ESCO2: variants seen among roughly 807,000 people sequenced by gnomAD.
ESCO2 encodes the protein establishment of sister chromatid cohesion N-acetyltransferase 2.
ESCO2 carries 51 observed loss-of-function variants against 61.7 expected under a neutral mutation model. That is an observed-to-expected ratio of 0.83 (90% confidence interval 0.66 to 1.04). The LOEUF is 1.04. Ranked by LOEUF, ESCO2 falls within the 50% of genes least tolerant of loss-of-function variation. ESCO2 has a pLI of 0.00. For synonymous variants in ESCO2, 230 were observed against 238.2 expected (o/e 0.97, Z 0.32); for missense variants, 692 against 686.2 (o/e 1.01, Z -0.09).
chr8:27,787,985 A>G lies in ESCO2; in HGVS notation c.1114A>G (p.Lys372Glu). 1 of 1,611,950 alleles carries G rather than the reference A, an allele frequency of 6.2e-7. No individual in the cohort carries two copies. The highest frequency in any genetic ancestry group is 1.3e-5 in the African/African-American group (1 of 75,002). ...TACCAGAGATACAAGTAAAAAAACA[A>G]AAGACCAGCTCATCATCGTGAGTAA... Reference protein sequence around the residue: ...TNTRDTSKKTKDQLIIDAGQK... With the variant: ...TNTRDTSKKTEDQLIIDAGQK... The change falls in exon 6 of 11, where the codon AAA (lysine) becomes GAA (glutamate). Residue 372 changes from lysine (K) to glutamate (E), a missense_variant. By Grantham distance (56) the Lys-to-Glu change is moderately conservative (BLOSUM62 1). Coordinates refer to ENST00000305188, the MANE Select transcript of ESCO2 (RefSeq NM_001017420.3).
intron 9 of ESCO2, among the ~76,000 whole-genome samples, chr8:27,793,666 T>C (rs535120558): frequency 6.6e-6 from 1 of 152,112 alleles, no homozygotes; most frequent in East Asian, 1.9e-4. Context: ...TTTGTATTTT[T>C]AGTAGAGACG....
At chr8:27,818,553 T>C in the ESCO2 span, among the ~76,000 whole-genome samples, 1 of 152,212 alleles carries the variant, frequency 6.6e-6, no homozygotes, top group Non-Finnish European at 1.5e-5. Context: ...GAACATTACA[T>C]ATATATTTTC....
rs371324732 is a variant in ESCO2, at chr8:27,776,614, A to G, written c.306A>G (p.Ile102Met). 1.1e-5 allele frequency: 17 copies of G among 1,614,022 alleles called. No individual in the cohort carries two copies. Among genetic ancestry groups the G allele is most frequent in the East Asian group, 2.2e-5 (1 of 44,882 alleles). ...WYLNPLERKL[I>M]KESRSTCLKT... ...TCAATCCACTGGAGAGAAAGCTGAT[A>G]AAAGAGAGTAGATCTACTTGTCTAA... The change falls in exon 3 of 11, where the codon ATA becomes ATG. Residue 102 changes from isoleucine (I) to methionine (M), a missense_variant. Ile to Met is a conservative substitution (Grantham distance 10). Coordinates refer to ENST00000305188, the MANE Select transcript of ESCO2 (RefSeq NM_001017420.3).
intron 1 of ESCO2, chr8:27,774,945 CCA>C (rs986070342): frequency 1.3e-5 from 2 of 155,244 alleles, no homozygotes; most frequent in African/African-American, 4.8e-5. Flanking sequence ...ACCTGAATTC[CCA>C]GAGACCCTGG....
downstream of ESCO2, chr8:27,810,454 C>T (rs1805654152): frequency 6.2e-7 from 1 of 1,608,922 alleles, no homozygotes. Flanking sequence ...GTTCCCAACG[C>T]TGCATAGTAT....
chr8:27,812,534 A>G (rs1805709202), downstream of ESCO2: 2 of 152,152 alleles, frequency 1.3e-5, no homozygotes, highest in South Asian at 2.1e-4. Context: ...TGAACAGGCA[A>G]CCTACAGAAT....
Position 27,776,235 on chromosome 8 carries a change from A to C in ESCO2, c.54-127A>C, listed in dbSNP as rs565466544. On this transcript the variant is annotated intron_variant, in intron 2 of 10. Coordinates refer to ENST00000305188, the MANE Select transcript of ESCO2 (RefSeq NM_001017420.3). ...GAATCCTACTGTTAAACTAATAGAAAATTGTGTGTATGGGGGGTACATGTA... is the reference window on the plus strand; with the variant it reads ...GAATCCTACTGTTAAACTAATAGAACATTGTGTGTATGGGGGGTACATGTA... 4 of 699,420 alleles carry C rather than the reference A, an allele frequency of 5.7e-6. No homozygotes were observed. The East Asian group carries it at 8.2e-5, about 14-fold the overall frequency. The allele number at this position is 699,420 out of a possible 1,614,324, so 43.3% of individuals were successfully genotyped here.
intron 1 of ESCO2, 37 bp from the exon 2 acceptor site, chr8:27,775,462 A>C: frequency 6.4e-7 from 1 of 1,559,010 alleles, no homozygotes; most frequent in Non-Finnish European, 8.9e-7. Flanking sequence ...GCGATTTTTA[A>C]TATTTTGATG....
chr8:27,774,756 C>T (rs1804747107), intron 1 of ESCO2, 149 bp downstream of exon 1: 1 of 152,330 alleles, frequency 6.6e-6, no homozygotes, highest in Middle Eastern at 3.1e-3. Context: ...AAGCCACTGA[C>T]TCGTTCTCCG....
intron 4 of ESCO2, 126 bp from the exon 5 acceptor site, chr8:27,783,874 T>TA: frequency 1.1e-6 from 1 of 894,812 alleles, no homozygotes; most frequent in Admixed American, 1.9e-5. Flanking sequence ...TCCATGGAAT[T>TA]ACCTTTGCCT....
chr8:27,777,271 C>A, intron 3 of ESCO2, 102 bp downstream of exon 3: 1 of 1,064,358 alleles, frequency 9.4e-7, no homozygotes, highest in Non-Finnish European at 1.3e-6. Flanking sequence ...TTTTATAAAG[C>A]CAGATAGCAT....
chr8:27,773,370 T>C (rs1020228705), upstream of ESCO2, among the ~76,000 whole-genome samples: 6 of 152,180 alleles, frequency 3.9e-5, no homozygotes, highest in Non-Finnish European at 8.8e-5. Flanking sequence ...TGCTTGACAG[T>C]TGTGTATCAG....
At chr8:27,813,900 CTA>C (rs1222345266), downstream of ESCO2, among the ~76,000 whole-genome samples, 1 of 151,170 alleles carries the variant, frequency 6.6e-6, no homozygotes, top group Non-Finnish European at 1.5e-5. Context: ...GGATATTGGA[CTA>C]TGATTTTTTT....
At chr8:27,786,702 A>G (rs1055641599) in intron 5 of ESCO2, among the ~76,000 whole-genome samples, 3 of 152,130 alleles carry the variant, frequency 2.0e-5, no homozygotes, top group African/African-American at 7.2e-5. Flanking sequence ...TAGATTTGTC[A>G]AGTCAGTTTG....
At chr8:27,780,824 A>G (rs957096610) in intron 4 of ESCO2, among the ~76,000 whole-genome samples, 1 of 152,118 alleles carries the variant, frequency 6.6e-6, no homozygotes, top group Admixed American at 6.5e-5. Flanking sequence ...TCAGTGTTCA[A>G]TTAAATAGCT....
intron 9 of ESCO2, among the ~76,000 whole-genome samples, chr8:27,795,574 CCTTGT>C (rs1479601669): frequency 2.6e-5 from 4 of 152,088 alleles, no homozygotes; most frequent in African/African-American, 7.2e-5. Context: ...GAGTTAGCAT[CCTTGT>C]CTTGTTCCTG....
Position 27,799,535 on chromosome 8 carries a change from T to C in ESCO2, c.1498-6T>C, listed in dbSNP as rs373104864. 1.9e-6 allele frequency: 3 copies of C among 1,613,966 alleles called. No individual in the cohort carries two copies. Among genetic ancestry groups the C allele is most frequent in the East Asian group, 2.2e-5 (1 of 44,874 alleles). Reference sequence around the variant, plus strand: ...TAGCTATAGATGCTTCTGTATATCATTGCAGGCATTTCGTGTCCTGTCTGA... The same window carrying C: ...TAGCTATAGATGCTTCTGTATATCACTGCAGGCATTTCGTGTCCTGTCTGA... On this transcript the variant is annotated splice_polypyrimidine_tract_variant and splice_region_variant and intron_variant, in intron 9 of 10. Transcript: ENST00000305188.
In ESCO2 at chr8:27,777,008, CAA is replaced by C; in HGVS notation, c.703_704del (p.Lys235GlufsTer2). The stretch of plus-strand genomic sequence containing the variant: ...AAATGAGCCGTCACTGGGACGCACC[CAA>C]AAGAGTAAATCAGAAGTCATTGAAG... ...LENEPSLGRT[Q>X]KSKSEVIEDS... On this transcript the variant is annotated frameshift_variant, in exon 3 of 11. Transcript: ENST00000305188. LOFTEE classifies it high-confidence loss of function. 6.2e-7 allele frequency: 1 copy of C among 1,612,132 alleles called. No homozygotes were observed. Among genetic ancestry groups the C allele is most frequent in the Non-Finnish European group, 8.5e-7 (1 of 1,179,590 alleles).
chr8:27,784,555 T>G (rs1804994626), intron 5 of ESCO2, among the ~76,000 whole-genome samples: 1 of 152,148 alleles, frequency 6.6e-6, no homozygotes, highest in Non-Finnish European at 1.5e-5. Context: ...AACTTCATGA[T>G]GTAGGTACCA....
Sources: allele counts gnomAD v4.1 joint callset (sites outside exome capture counted in the v4.1 genomes callset), GRCh38; gene constraint gnomAD v4.1.1; transcripts MANE v1.5; gene names NCBI Gene and HGNC (gene_info 2026-07-23, HGNC 2026-07-21).